The following ESRRG variants were observed in gnomAD, a reference collection of about 807,000 sequenced individuals.
ESRRG encodes the protein estrogen-related receptor gamma.
Under a neutral mutation model 44.0 loss-of-function variants are expected in ESRRG, and 13 were observed. The observed-to-expected ratio is 0.30, with a 90% CI of 0.19 to 0.47. The LOEUF is 0.47. Ranked by LOEUF, ESRRG falls within the 20% of genes least tolerant of loss-of-function variation. The pLI is 1.00. For missense variants in ESRRG, 395 were observed against 580.6 expected (o/e 0.68, Z 3.29); for synonymous variants, 215 against 214.6 (o/e 1.00, Z -0.02).
chr1:216,541,396 A>T (rs1329266997), intron 5 of ESRRG, among the ~76,000 whole-genome samples: 1 of 152,064 alleles, frequency 6.6e-6, no homozygotes, highest in Non-Finnish European at 1.5e-5. Context: ...ATTCAATAGG[A>T]TCACAGAAGG....
intron 1 of ESRRG, among the ~76,000 whole-genome samples, chr1:216,709,923 A>C (rs1270632623): frequency 2.0e-5 from 3 of 152,204 alleles, no homozygotes; most frequent in Non-Finnish European, 4.4e-5. Flanking sequence ...ATCCTGGTTC[A>C]GGATTTACCT....
chr1:216,844,604 T>G (rs1026142339), intron 2 of ESRRG, among the ~76,000 whole-genome samples: 18 of 152,168 alleles, frequency 1.2e-4, no homozygotes, highest in African/African-American at 7.2e-5. Context: ...TTAGGCATTC[T>G]ACTCTGAGAC....
chr1:217,118,992 C>G (rs1416085119), intron 1 of ESRRG, among the ~76,000 whole-genome samples: 1 of 146,966 alleles, frequency 6.8e-6, no homozygotes, highest in Non-Finnish European at 1.5e-5. Flanking sequence ...GACCCTATCT[C>G]TAGAAACTAG....
intron 2 of ESRRG, among the ~76,000 whole-genome samples, chr1:216,676,013 G>A (rs1354804753): frequency 6.6e-6 from 1 of 152,142 alleles, no homozygotes; most frequent in African/African-American, 2.4e-5. Flanking sequence ...TGATATGTGG[G>A]AAGATAGACT....
At chr1:217,042,736 T>TA (rs1037153703) in intron 1 of ESRRG, among the ~76,000 whole-genome samples, 73 of 148,132 alleles carry the variant, frequency 4.9e-4, no homozygotes, top group Middle Eastern at 3.5e-3. Context: ...CTGTTCACTT[T>TA]AAAAAAAAAA....
chr1:216,796,235 G>C lies in ESRRG; in HGVS notation c.-13-118744C>G, dbSNP rs79131758. Among the ~76,000 whole-genome samples, 413 of 152,298 alleles carry C rather than the reference G, an allele frequency of 2.7e-3. 3 individuals carry two copies. Among genetic ancestry groups the C allele is most frequent in the Non-Finnish European group, 2.1e-3 (142 of 68,026 alleles). Reference sequence around the variant, plus strand: ...GTGGGACACCCTGCTGAAAACGAGAGCATTACAGGAAAGCATGTACACCCT... The same window carrying C: ...GTGGGACACCCTGCTGAAAACGAGACCATTACAGGAAAGCATGTACACCCT... On this transcript the variant is annotated intron_variant, in intron 2 of 7. Transcript: ENST00000359162.
At position 216,705,002 on chromosome 1, in the gene ESRRG, A is replaced by C. The variant is rs956291113; in HGVS notation, c.56+18242T>G. 2.6e-5 allele frequency among the ~76,000 whole-genome samples: 4 copies of C among 152,218 alleles called. 1 individual carries two copies. The highest frequency in any genetic ancestry group is 9.6e-5 in the African/African-American group (4 of 41,470). On this transcript the variant is annotated intron_variant, in intron 1 of 6. Transcript: ENST00000408911. The stretch of plus-strand genomic sequence containing the variant: ...GTAAACTTATCTTGTTAGATACAAA[A>C]GATACCAGTAAGTCTTTAAAAATAG...
chr1:216,681,569 G>A (rs1296192018), intron 1 of ESRRG, among the ~76,000 whole-genome samples: 2 of 152,116 alleles, frequency 1.3e-5, no homozygotes, highest in African/African-American at 4.8e-5. Context: ...AACAGTTTGA[G>A]ATACAGCATC....
chr1:216,505,623 C>T lies in ESRRG; in HGVS notation c.*1316G>A, dbSNP rs1197844115. On this transcript the variant is annotated 3_prime_UTR_variant, in exon 7 of 7. Transcript: ENST00000408911. ...TGTACCTCCCAAGTAGAGAGGTGCA[C>T]TCCTGACAATTCTACGGATCTATAT... 16 of 152,514 alleles carry T rather than the reference C, an allele frequency of 1.0e-4. No homozygotes were observed. The highest frequency in any genetic ancestry group is 1.0e-3 in the Admixed American group (16 of 15,274). 9.4% of individuals were successfully genotyped at this position (152,514 alleles called of 1,614,324 possible).
At chr1:216,569,194 A>AGGGAG (rs1558552395) in intron 3 of ESRRG, among the ~76,000 whole-genome samples, 3 of 87,156 alleles carry the variant, frequency 3.4e-5, no homozygotes, top group African/African-American at 1.5e-4. Flanking sequence ...AGGGAAGGGA[A>AGGGAG]AGGAAAGGAA....
chr1:216,516,668 C>CACAGAGAGAGAGAGAGAGAG (rs376701865), intron 6 of ESRRG, among the ~76,000 whole-genome samples: 3 of 137,168 alleles, frequency 2.2e-5, no homozygotes, highest in African/African-American at 8.8e-5. Flanking sequence ...CACACACACA[C>CACAGAGAGAGAGAGAGAGAG]AGAGAGAGAG....
chr1:216,924,994 AT>A (rs2149754904), intron 2 of ESRRG, among the ~76,000 whole-genome samples: 1 of 152,164 alleles, frequency 6.6e-6, no homozygotes, highest in East Asian at 1.9e-4. Flanking sequence ...ATCTGCTACT[AT>A]TTACCCAAGA....
chr1:216,946,500 G>C (rs1025861436), intron 1 of ESRRG, among the ~76,000 whole-genome samples: 2 of 152,086 alleles, frequency 1.3e-5, no homozygotes, highest in African/African-American at 2.4e-5. Flanking sequence ...AAACAGAATG[G>C]AAAGAGCAAA....
At chr1:216,578,291 G>A (rs4344380) in intron 3 of ESRRG, among the ~76,000 whole-genome samples, 126,034 of 151,954 alleles carry the variant, frequency 0.83, 52,600 homozygotes, top group African/African-American at 0.86. Context: ...GTAGCAATAA[G>A]TCTACACAGT....
At chr1:217,133,635 C>CTT (rs1558298142) in intron 1 of ESRRG, among the ~76,000 whole-genome samples, 127 of 87,040 alleles carry the variant, frequency 1.5e-3, no homozygotes, top group South Asian at 0.012. Flanking sequence ...CTTTCTTTCT[C>CTT]TCTCTCTCTC....
At position 216,914,145 on chromosome 1, in the gene ESRRG, A is replaced by G. The variant is rs573137540; in HGVS notation, c.-14+25437T>C. On this transcript the variant is annotated intron_variant, in intron 2 of 7. Transcript: ENST00000359162. The stretch of plus-strand genomic sequence containing the variant: ...CTTTACACTGTCTTCCTGTACTGCT[A>G]TTTCCATGAGCTCTGCTATCAGCTG... Among the ~76,000 whole-genome samples, 334 of 151,716 alleles carry G rather than the reference A, an allele frequency of 2.2e-3. 1 individual carries two copies. Among genetic ancestry groups the G allele is most frequent in the African/African-American group, 7.7e-3 (318 of 41,344 alleles).
intron 1 of ESRRG, among the ~76,000 whole-genome samples, chr1:217,088,405 T>C (rs1246715134): frequency 7.9e-6 from 1 of 126,568 alleles, no homozygotes; most frequent in African/African-American, 3.0e-5. Flanking sequence ...TGTCTTTTTT[T>C]TTTTTTTTTT....
intron 6 of ESRRG, among the ~76,000 whole-genome samples, chr1:216,516,689 C>CA (rs1042903543): frequency 1.0e-4 from 8 of 76,516 alleles, no homozygotes; most frequent in South Asian, 5.1e-4. Context: ...AGAGAAACGA[C>CA]AAAAAAAATA....
At position 216,677,098 on chromosome 1, in the gene ESRRG, T is replaced by G; in HGVS notation, c.450A>C (p.Ala150=). 1 of 1,613,984 alleles carries G rather than the reference T, an allele frequency of 6.2e-7. No individual in the cohort carries two copies. The highest frequency in any genetic ancestry group is 8.5e-7 in the Non-Finnish European group (1 of 1,179,862). The change falls in exon 2 of 7, where the codon GCA becomes GCC. Residue 150 remains alanine (A), a synonymous_variant. Coordinates refer to ENST00000408911, the MANE Select transcript of ESRRG (RefSeq NM_001438.4). Reference sequence around the variant, plus strand: ...AACCTTGAATTGTCCTCTTGAAGAATGCCTTGCAGGCTTCACATGATGCTA... The same window carrying G: ...AACCTTGAATTGTCCTCTTGAAGAAGGCCTTGCAGGCTTCACATGATGCTA... ...YGVASCEACK[A]FFKRTIQGNI...
Sources: allele counts gnomAD v4.1 joint callset (sites outside exome capture counted in the v4.1 genomes callset), GRCh38; gene constraint gnomAD v4.1.1; transcripts MANE v1.5; gene names NCBI Gene and HGNC (gene_info 2026-07-23, HGNC 2026-07-21).